The following HIVEP2 variants were observed in gnomAD, a reference collection of about 807,000 sequenced individuals.
The protein encoded by HIVEP2 is HIVEP zinc finger 2, also known as transcription factor HIVEP2.
Under a neutral mutation model 180.7 loss-of-function variants are expected in HIVEP2, and 14 were observed. The observed-to-expected ratio is 0.08, with a 90% CI of 0.05 to 0.12. The LOEUF (loss-of-function observed/expected upper bound fraction) is 0.12, where lower values mean the gene tolerates loss of function less well. Ranked by LOEUF, HIVEP2 falls within the 10% of genes least tolerant of loss-of-function variation. The pLI, the probability that HIVEP2 is intolerant of heterozygous loss-of-function variation, is 1.00. For missense variants in HIVEP2, 2,579 were observed against 3,008.5 expected (o/e 0.86, Z 3.34); for synonymous variants, 1,184 against 1,136.4 (o/e 1.04, Z -0.84).
intron 1 of HIVEP2, among the ~76,000 whole-genome samples, chr6:142,886,979 C>T (rs562541027): frequency 6.6e-6 from 1 of 152,270 alleles, no homozygotes; most frequent in South Asian, 2.1e-4. Flanking sequence ...ACGTTTCTCT[C>T]CTGTGCATAT....
intron 1 of HIVEP2, among the ~76,000 whole-genome samples, chr6:142,899,653 T>C (rs776347129): frequency 3.9e-5 from 6 of 152,172 alleles, no homozygotes; most frequent in Non-Finnish European, 5.9e-5. Flanking sequence ...AATAGATCAT[T>C]TATCTTTGTA....
At chr6:142,887,061 T>C (rs1016791104) in intron 1 of HIVEP2, among the ~76,000 whole-genome samples, 1 of 152,182 alleles carries the variant, frequency 6.6e-6, no homozygotes, top group African/African-American at 2.4e-5. Context: ...AGTTGATCAT[T>C]GCTAAAGCAA....
At chr6:142,894,485 T>G (rs770507223) in intron 1 of HIVEP2, among the ~76,000 whole-genome samples, 25 of 152,306 alleles carry the variant, frequency 1.6e-4, no homozygotes, top group Admixed American at 4.6e-4. Context: ...AAGTAGATGA[T>G]CCATAAATTA....
chr6:142,908,036 C>A (rs1010575065), intron 1 of HIVEP2, among the ~76,000 whole-genome samples: 1 of 152,174 alleles, frequency 6.6e-6, no homozygotes, highest in Non-Finnish European at 1.5e-5. Flanking sequence ...ACTTTTAGCA[C>A]AACAACCTAA....
At position 142,761,540 on chromosome 6, in the gene HIVEP2, A is replaced by G; in HGVS notation, c.5544T>C (p.Ser1848=). The change falls in exon 8 of 10, where the codon TCT becomes TCC. Residue 1848 remains serine (S), a synonymous_variant. Transcript: ENST00000367603. ...TKGNLTKHMK[S]KAHMKKCLEL... Reference sequence around the variant, plus strand: ...CCAGGCATTTTTTCATGTGTGCTTTAGATTTCATATGCTTCGTTAGGTTTC... The same window carrying G: ...CCAGGCATTTTTTCATGTGTGCTTTGGATTTCATATGCTTCGTTAGGTTTC... 6.2e-7 allele frequency: 1 copy of G among 1,604,368 alleles called. No homozygotes were observed. The highest frequency in any genetic ancestry group is 1.1e-5 in the South Asian group (1 of 90,890).
chr6:142,778,701 T>C (rs1411955538), intron 3 of HIVEP2, among the ~76,000 whole-genome samples: 1 of 152,188 alleles, frequency 6.6e-6, no homozygotes, highest in Non-Finnish European at 1.5e-5. Context: ...ACACCTATTT[T>C]ACAGTTGAGA....
chr6:142,877,406 C>A (rs1264249668), intron 1 of HIVEP2, among the ~76,000 whole-genome samples: 2 of 152,056 alleles, frequency 1.3e-5, no homozygotes, highest in East Asian at 3.9e-4. Context: ...CCAATGAATA[C>A]CACAATACAA....
chr6:142,906,506 C>A (rs1362458089), intron 1 of HIVEP2, among the ~76,000 whole-genome samples: 2 of 151,626 alleles, frequency 1.3e-5, no homozygotes, highest in East Asian at 3.9e-4. Context: ...AACAACAATG[C>A]AGTCAAAATT....
At chr6:142,914,969 G>C (rs897022041) in intron 1 of HIVEP2, among the ~76,000 whole-genome samples, 1 of 152,030 alleles carries the variant, frequency 6.6e-6, no homozygotes, top group Non-Finnish European at 1.5e-5. Flanking sequence ...TCTAAGAACT[G>C]TTTTTCCCCA....
intron 1 of HIVEP2, among the ~76,000 whole-genome samples, chr6:142,933,038 GGAA>G (rs1777978302): frequency 6.6e-6 from 1 of 152,156 alleles, no homozygotes; most frequent in African/African-American, 2.4e-5. Context: ...CACAATGAAA[GGAA>G]GAAGTAAAAT....
intron 1 of HIVEP2, among the ~76,000 whole-genome samples, chr6:142,892,429 G>A (rs929286914): frequency 1.3e-5 from 2 of 152,108 alleles, no homozygotes; most frequent in Non-Finnish European, 1.5e-5. Flanking sequence ...TAAGCAACCT[G>A]ACCCCCCAAG....
intron 1 of HIVEP2, among the ~76,000 whole-genome samples, chr6:142,908,334 T>G (rs1582958088): frequency 6.6e-6 from 1 of 152,354 alleles, no homozygotes; most frequent in East Asian, 1.9e-4. Flanking sequence ...GGTCCACATT[T>G]TCCAGAAAAA....
rs918207915 is a variant in HIVEP2, at chr6:142,775,142, T to C, written c.-387-17A>G. On this transcript the variant is annotated splice_polypyrimidine_tract_variant and intron_variant, in intron 4 of 9. Coordinates refer to ENST00000367603, the MANE Select transcript of HIVEP2 (RefSeq NM_006734.4). ...TAAAATGATCTGAAGAAAAAGAAAA[T>C]ACAAAGAGATTGTCATAACAGTTTC... 2.4e-5 allele frequency: 22 copies of C among 901,230 alleles called. No individual in the cohort carries two copies. The highest frequency in any genetic ancestry group is 2.9e-5 in the Non-Finnish European group (22 of 760,694). The allele number at this position is 901,230 out of a possible 1,614,324, so 55.8% of individuals were successfully genotyped here. A position where few individuals can be genotyped will look rare whatever the true frequency, so the allele number is the denominator to read the frequency against.
intron 1 of HIVEP2, among the ~76,000 whole-genome samples, chr6:142,869,385 A>G (rs1776231429): frequency 6.6e-6 from 1 of 152,220 alleles, no homozygotes; most frequent in African/African-American, 2.4e-5. Flanking sequence ...TGATAAATAT[A>G]TATAGTATCA....
chr6:142,925,150 A>T (rs943083579), intron 1 of HIVEP2, among the ~76,000 whole-genome samples: 3 of 152,230 alleles, frequency 2.0e-5, no homozygotes, highest in African/African-American at 7.2e-5. Flanking sequence ...GTTCTACCAC[A>T]CAAACGTTCC....
At chr6:142,833,230 G>A (rs1240731428) in intron 2 of HIVEP2, among the ~76,000 whole-genome samples, 1 of 152,188 alleles carries the variant, frequency 6.6e-6, no homozygotes, top group Non-Finnish European at 1.5e-5. Flanking sequence ...TAAAGTGTGA[G>A]TAATAACTAC....
At chr6:142,843,624 A>G (rs1023781803) in intron 1 of HIVEP2, among the ~76,000 whole-genome samples, 2 of 152,170 alleles carry the variant, frequency 1.3e-5, no homozygotes, top group Non-Finnish European at 2.9e-5. Flanking sequence ...GTGGTTATAG[A>G]TATTATCATT....
intron 7 of HIVEP2, among the ~76,000 whole-genome samples, chr6:142,764,318 A>G (rs1028572648): frequency 1.3e-5 from 2 of 152,206 alleles, no homozygotes; most frequent in African/African-American, 4.8e-5. Context: ...AACACAAGCT[A>G]TCAAATTTCT....
At chr6:142,782,057 T>C (rs905486358) in intron 3 of HIVEP2, among the ~76,000 whole-genome samples, 3 of 152,214 alleles carry the variant, frequency 2.0e-5, no homozygotes, top group African/African-American at 7.2e-5. Context: ...ATACAATGAC[T>C]GGCAGCAAAC....
Sources: gnomAD v4.1 joint callset for allele counts (sites outside exome capture counted in the v4.1 genomes callset) on GRCh38, gnomAD v4.1.1 for gene constraint, MANE v1.5 for transcripts, NCBI Gene and HGNC (gene_info 2026-07-23, HGNC 2026-07-21) for gene names.